The following RHOH variants were observed in gnomAD, a reference collection of about 807,000 sequenced individuals.
The protein encoded by RHOH is rho-related GTP-binding protein RhoH.
Under a neutral mutation model 13.8 loss-of-function variants are expected in RHOH, and 6 were observed. The observed-to-expected ratio is 0.44, with a 90% CI of 0.24 to 0.86. The LOEUF is 0.86. RHOH is among the 40% of genes least tolerant of loss of function. The probability of loss-of-function intolerance (pLI) is 0.24; values close to 1 mark genes in which losing one functional copy is unlikely to be tolerated. For synonymous variants in RHOH, 117 were observed against 103.0 expected, an observed-to-expected ratio of 1.14 and a Z score of -0.82; for missense variants, 147 against 244.5, an observed-to-expected ratio of 0.60 and a Z score of 2.66.
At chr4:40,197,442 G>C (rs1457664669) in intron 1 of RHOH, 142 bp downstream of exon 1, 1 of 152,134 alleles carries the variant, frequency 6.6e-6, no homozygotes, top group Non-Finnish European at 1.5e-5. Context: ...ACAGGGGGAC[G>C]GGGGTCGGGG....
intron 1 of RHOH, among the ~76,000 whole-genome samples, chr4:40,211,251 A>T (rs1349522874): frequency 6.6e-6 from 1 of 151,710 alleles, no homozygotes; most frequent in Non-Finnish European, 1.5e-5. Flanking sequence ...CTTTATTTCT[A>T]TTTTTTTTAA....
At chr4:40,233,849 T>G (rs1051539068) in intron 1 of RHOH, among the ~76,000 whole-genome samples, 7 of 151,714 alleles carry the variant, frequency 4.6e-5, no homozygotes, top group Non-Finnish European at 1.0e-4. Context: ...TCGCTTGAAC[T>G]TGGGAGGCAG....
intron 1 of RHOH, among the ~76,000 whole-genome samples, chr4:40,241,415 T>C (rs1729229238): frequency 6.6e-6 from 1 of 152,260 alleles, no homozygotes; most frequent in Non-Finnish European, 1.5e-5. Context: ...GTCCTTTTCT[T>C]ATTTTCATTT....
At chr4:40,231,853 C>T (rs1727985784) in intron 1 of RHOH, among the ~76,000 whole-genome samples, 1 of 152,270 alleles carries the variant, frequency 6.6e-6, no homozygotes, top group East Asian at 1.9e-4. Context: ...ATTCTGGGCT[C>T]CGCCTTTTAG....
chr4:40,229,873 A>G (rs568081944), intron 1 of RHOH, among the ~76,000 whole-genome samples: 131 of 152,222 alleles, frequency 8.6e-4, no homozygotes, highest in Non-Finnish European at 1.6e-3. Flanking sequence ...TTCCTCATCA[A>G]TACATCAACA....
intron 1 of RHOH, among the ~76,000 whole-genome samples, chr4:40,204,183 T>C (rs1724365628): frequency 6.6e-6 from 1 of 152,232 alleles, no homozygotes; most frequent in South Asian, 2.1e-4. Flanking sequence ...AGCTTTCAAA[T>C]AGCCTTCAAT....
rs910421733 is a variant in RHOH, at chr4:40,244,839, A to G, written c.*877A>G. On this transcript the variant is annotated 3_prime_UTR_variant, in exon 3 of 3. Coordinates refer to ENST00000381799, the MANE Select transcript of RHOH (RefSeq NM_004310.5). ...CTTCTGGTAGGGTGGTTCCCAGGCG[A>G]CTGCAGGTCCTGTGAAAGACAGGGG... is the stretch of plus-strand genomic sequence containing the variant. 1.8e-5 allele frequency: 3 copies of G among 170,354 alleles called. No homozygotes were observed. Among genetic ancestry groups the G allele is most frequent in the African/African-American group, 4.8e-5 (2 of 42,022 alleles). The allele number at this position is 170,354 out of a possible 1,614,324, so 10.6% of individuals were successfully genotyped here. A position where few individuals can be genotyped will look rare whatever the true frequency, so the allele number is the denominator to read the frequency against.
At chr4:40,220,528 C>T (rs1318476378) in intron 1 of RHOH, among the ~76,000 whole-genome samples, 1 of 151,692 alleles carries the variant, frequency 6.6e-6, no homozygotes, top group Non-Finnish European at 1.5e-5. Context: ...CTTTGTGTGG[C>T]CATTGCATGA....
intron 1 of RHOH, among the ~76,000 whole-genome samples, chr4:40,200,027 C>G (rs1345601439): frequency 1.3e-5 from 2 of 152,054 alleles, no homozygotes; most frequent in Admixed American, 1.3e-4. Context: ...GGAGGAGACT[C>G]TGGAGCTTTG....
chr4:40,213,460 G>A (rs186961454), intron 1 of RHOH, among the ~76,000 whole-genome samples: 1,593 of 151,828 alleles, frequency 0.01, 27 homozygotes, highest in African/African-American at 0.036. Flanking sequence ...AGTCTTCTGG[G>A]AGGTTTTAAA....
chr4:40,221,041 T>G (rs1282041374), intron 1 of RHOH, among the ~76,000 whole-genome samples: 1 of 152,240 alleles, frequency 6.6e-6, no homozygotes, highest in African/African-American at 2.4e-5. Context: ...ACTTGTGTTC[T>G]TAGATTATTC....
rs910642469 is a variant in RHOH at position 40,244,588 on chromosome 4, C to T, written c.*626C>T. On this transcript the variant is annotated 3_prime_UTR_variant, in exon 3 of 3. Transcript: ENST00000381799. ...TATAAAATACAGTTCCATAAGATATCCTAATACTGCCTAATGATTTTAAAG... is the reference window on the plus strand; with the variant it reads ...TATAAAATACAGTTCCATAAGATATTCTAATACTGCCTAATGATTTTAAAG... 1 of 199,946 alleles carries T rather than the reference C, an allele frequency of 5.0e-6. No homozygotes were observed. The highest frequency in any genetic ancestry group is 1.1e-5 in the Non-Finnish European group (1 of 88,292). 12.4% of individuals were successfully genotyped at this position (199,946 alleles called of 1,614,324 possible). A position where few individuals can be genotyped will look rare whatever the true frequency, so the allele number is the denominator to read the frequency against.
intron 1 of RHOH, among the ~76,000 whole-genome samples, chr4:40,232,436 G>A (rs117979983): frequency 0.01 from 1,399 of 138,732 alleles, 43 homozygotes; most frequent in East Asian, 0.07. Flanking sequence ...CACCGGAGGC[G>A]GGGGGCAGGG....
intron 1 of RHOH, chr4:40,200,690 G>T (rs1409071090): frequency 1.3e-5 from 2 of 152,214 alleles, no homozygotes; most frequent in Non-Finnish European, 2.9e-5. Context: ...CGGGAGCGGG[G>T]TGACTGGGTC....
At chr4:40,195,361 CCT>C (rs1723017406), upstream of RHOH, among the ~76,000 whole-genome samples, 1 of 70,340 alleles carries the variant, frequency 1.4e-5, no homozygotes, top group Non-Finnish European at 3.1e-5. Context: ...TCTTTTCCTT[CCT>C]TCCTTCCTTC....
intron 1 of RHOH, among the ~76,000 whole-genome samples, chr4:40,229,648 AAAAG>A (rs1553858793): frequency 6.6e-6 from 1 of 151,472 alleles, no homozygotes; most frequent in East Asian, 1.9e-4. Context: ...AAAAAAAAAA[AAAAG>A]AAAGAAAGAA....
rs2245466 is a variant in RHOH at position 40,197,226 on chromosome 4, G to C, written c.-405G>C. The C allele has an allele frequency of 0.69, 105,046 of 152,126 alleles. 36,481 individuals carry two copies. The highest frequency in any genetic ancestry group is 0.75 in the African/African-American group (31,199 of 41,466). The allele number at this position is 152,126 out of a possible 1,614,324, so 9.4% of individuals were successfully genotyped here. A position where few individuals can be genotyped will look rare whatever the true frequency, so the allele number is the denominator to read the frequency against. On this transcript the variant is annotated 5_prime_UTR_variant, in exon 1 of 3. Coordinates refer to ENST00000381799, the MANE Select transcript of RHOH (RefSeq NM_004310.5). ...GCTTGGGCCGCTTTTGTTTTCACCT[G>C]CTTTTGTTGAACAAATTTGATTTCC...
rs866503511 is a variant in RHOH, at chr4:40,223,482, T to A, written c.-330-19232T>A. Among the ~76,000 whole-genome samples the A allele has an allele frequency of 1.0e-3, 150 of 150,152 alleles. 1 individual carries two copies. In the Middle Eastern group the frequency reaches 0.014, roughly 14 times the overall value. Reference sequence around the variant, plus strand: ...GATTGTTAGCTTTTTTTTTTTTTTTTTTTTTTTAGAGAGGGTCTTGCTCTG... The same window carrying A: ...GATTGTTAGCTTTTTTTTTTTTTTTATTTTTTTAGAGAGGGTCTTGCTCTG... On this transcript the variant is annotated intron_variant, in intron 1 of 2. Transcript: ENST00000381799.
rs1726154133 is a variant in RHOH at position 40,218,510 on chromosome 4, A to G, written c.-331+21210A>G. Among the ~76,000 whole-genome samples, 1 of 152,180 alleles carries G rather than the reference A, an allele frequency of 6.6e-6. No homozygotes were observed. The highest frequency in any genetic ancestry group is 1.5e-5 in the Non-Finnish European group (1 of 68,036). ...CCAGGCTGAGGGCTTTTTTGCAGGCATGCCAAAAAATGCAGGGCCAAGGCT... is the reference window on the plus strand; with the variant it reads ...CCAGGCTGAGGGCTTTTTTGCAGGCGTGCCAAAAAATGCAGGGCCAAGGCT... On this transcript the variant is annotated intron_variant, in intron 1 of 2. Coordinates refer to ENST00000381799, the MANE Select transcript of RHOH (RefSeq NM_004310.5). The surrounding 1 kb of genome is among the most constrained non-coding windows in gnomAD (Gnocchi z 4.1).
Sources: gnomAD v4.1 joint callset for allele counts (sites outside exome capture counted in the v4.1 genomes callset) on GRCh38, gnomAD v4.1.1 for gene constraint, Gnocchi (gnomAD v3.1) non-coding constraint, MANE v1.5 for transcripts, NCBI Gene and HGNC (gene_info 2026-07-23, HGNC 2026-07-21) for gene names.